The following SCN10A variants were observed in gnomAD, a reference collection of about 807,000 sequenced individuals.
SCN10A encodes sodium channel protein type 10 subunit alpha.
A neutral mutation model predicts 170.7 loss-of-function variants in SCN10A; 162 were observed. The ratio of observed to expected loss-of-function variants is 0.95; its 90% CI spans 0.84 to 1.08. SCN10A has a LOEUF of 1.08. Among genes scored for constraint, SCN10A ranks in the 50% least tolerant of loss-of-function variants. The pLI is 0.00. For missense variants in SCN10A, 2,527 were observed against 2,436.9 expected, an observed-to-expected ratio of 1.04 and a Z score of -0.78; for synonymous variants, 985 against 904.6, an observed-to-expected ratio of 1.09 and a Z score of -1.59.
chr3:38,764,493 T>C (rs2063910594), intron 5 of SCN10A, among the ~76,000 whole-genome samples: 2 of 152,124 alleles, frequency 1.3e-5, no homozygotes, highest in Admixed American at 6.5e-5. Flanking sequence ...CTGAGTTACT[T>C]CATTTAGAAT....
chr3:38,810,269 C>T (rs1159146073), intron 1 of SCN10A, among the ~76,000 whole-genome samples: 2 of 152,126 alleles, frequency 1.3e-5, no homozygotes, highest in Admixed American at 6.5e-5. Flanking sequence ...GGGTTTTGGG[C>T]AAGGTTCTAA....
Position 38,703,620 on chromosome 3 carries a change from T to G in SCN10A, c.4387-1511A>C, listed in dbSNP as rs73825865. Among the ~76,000 whole-genome samples the G allele has an allele frequency of 3.4e-3, 515 of 152,340 alleles. 1 individual carries two copies. The highest frequency in any genetic ancestry group is 0.012 in the African/African-American group (481 of 41,578). On this transcript the variant is annotated intron_variant, in intron 26 of 27. Coordinates refer to ENST00000449082, the MANE Select transcript of SCN10A (RefSeq NM_006514.4). ...ACCCTTCTACCTTGAAATGTTGCTT[T>G]CTTGGTCTCCACCATGCCTTACATT...
In SCN10A at chr3:38,728,710, A is replaced by C; in HGVS notation, c.2472T>G (p.His824Gln). ...GCATGTGCCAGCGGGGCCAGTCTTC[A>C]TGGGGCGCGGAGATATTTTTTCGGT... ...RNNRKNISAP[H>Q]EDWPRWHMHD... The change falls in exon 16 of 28, where the codon CAT (histidine) becomes CAG (glutamine). Residue 824 changes from histidine to glutamine, a missense_variant. Coordinates refer to ENST00000449082, the MANE Select transcript of SCN10A (RefSeq NM_006514.4). 1 of 1,614,146 alleles carries C rather than the reference A, an allele frequency of 6.2e-7. No homozygotes were observed. The highest frequency in any genetic ancestry group is 8.5e-7 in the Non-Finnish European group (1 of 1,180,014).
intron 26 of SCN10A, among the ~76,000 whole-genome samples, chr3:38,705,577 G>T (rs2063201966): frequency 6.6e-6 from 1 of 152,162 alleles, no homozygotes. Flanking sequence ...CCTCTCCAGG[G>T]TCCCTTTTTG....
chr3:38,737,798 C>CTCTTTTTCTTTCTTTCTT (rs1553618377), intron 15 of SCN10A, among the ~76,000 whole-genome samples: 3 of 93,608 alleles, frequency 3.2e-5, no homozygotes, highest in Non-Finnish European at 5.9e-5. Flanking sequence ...CCCTCCCTTC[C>CTCTTTTTCTTTCTTTCTT]TCTTTCTTTC....
chr3:38,750,280 T>C (rs2063734452), intron 12 of SCN10A, 96 bp from the exon 13 acceptor site: 1 of 639,736 alleles, frequency 1.6e-6, no homozygotes, highest in Non-Finnish European at 2.8e-6. Flanking sequence ...ATCTCATATA[T>C]AGTCATATGT....
intron 4 of SCN10A, among the ~76,000 whole-genome samples, chr3:38,775,653 A>G (rs139183312): frequency 1.3e-3 from 195 of 152,242 alleles, no homozygotes; most frequent in East Asian, 0.011. Flanking sequence ...TCTTTCCCAT[A>G]TATATAGTGA....
chr3:38,774,040 T>C (rs1220538281), intron 4 of SCN10A, among the ~76,000 whole-genome samples: 9 of 152,216 alleles, frequency 5.9e-5, no homozygotes, highest in African/African-American at 1.9e-4. Context: ...TAAAACTCTG[T>C]GACCTTTTAA....
intron 11 of SCN10A, 27 bp downstream of exon 11, chr3:38,755,761 T>C (rs751831496): frequency 6.2e-7 from 1 of 1,612,178 alleles, no homozygotes; most frequent in Admixed American, 1.7e-5. Flanking sequence ...GTGGGTAATC[T>C]TTAGAGCACA....
rs994269206 is a variant in SCN10A at position 38,697,988 on chromosome 3, G to A, written c.5232C>T (p.Phe1744=). 1.2e-6 allele frequency: 2 copies of A among 1,614,082 alleles called. No individual in the cohort carries two copies. Among genetic ancestry groups the A allele is most frequent in the Admixed American group, 1.7e-5 (1 of 60,006 alleles). The stretch of plus-strand genomic sequence containing the variant: ...GGTCAAACTTCTCCCAGGTCTCATA[G>A]AACATGTCAAAGTCGTCCTCACTCA... The part of the protein sequence containing the change: ...EPLSEDDFDM[F]YETWEKFDPE... The change falls in exon 28 of 28, where the codon TTC becomes TTT. Residue 1744 remains phenylalanine (F), a synonymous_variant. Transcript: ENST00000449082.
At chr3:38,733,109 G>T (rs191367686) in intron 15 of SCN10A, among the ~76,000 whole-genome samples, 11 of 152,180 alleles carry the variant, frequency 7.2e-5, no homozygotes, top group Non-Finnish European at 1.6e-4. Context: ...ACTTTGTGTG[G>T]CAATGAGAGG....
At chr3:38,735,036 G>T (rs1227148371) in intron 15 of SCN10A, among the ~76,000 whole-genome samples, 1 of 151,988 alleles carries the variant, frequency 6.6e-6, no homozygotes. Context: ...CAGGCATGGT[G>T]GTGGGTGCCT....
Position 38,752,481 on chromosome 3 carries a change from C to G in SCN10A, c.1493G>C (p.Arg498Pro), listed in dbSNP as rs372716583. ...SFLGLASGKR[R>P]ASHGSVFHFR... ...ATGGAACACACTGCCATGACTAGCC[C>G]GGCGTTTTCCAGAGGCGAGGCCTAG... Residue 498 changes from arginine (R) to proline (P), a missense_variant, in exon 12 of 28, where the codon CGG becomes CCG. Arg to Pro is a moderately radical substitution (Grantham distance 103). Transcript: ENST00000449082. 4 of 1,602,218 alleles carry G rather than the reference C, an allele frequency of 2.5e-6. No homozygotes were observed. The East Asian group carries it at 9.0e-5, about 36-fold the overall frequency.
At chr3:38,755,396 A>G (rs1048863198) in intron 11 of SCN10A, among the ~76,000 whole-genome samples, 1 of 152,024 alleles carries the variant, frequency 6.6e-6, no homozygotes, top group African/African-American at 2.4e-5. Context: ...ATGTCCGCAG[A>G]CACCTTAAGA....
chr3:38,734,828 C>T (rs1007422066), intron 15 of SCN10A, among the ~76,000 whole-genome samples: 4 of 152,090 alleles, frequency 2.6e-5, no homozygotes, highest in Non-Finnish European at 4.4e-5. Flanking sequence ...GATGTCCTAA[C>T]TAGCACAGTG....
chr3:38,761,373 G>A lies in SCN10A; in HGVS notation c.702C>T (p.Val234=). The change falls in exon 7 of 28, where the codon GTC becomes GTT. Residue 234 remains valine, a synonymous_variant. Transcript: ENST00000449082. Reference sequence around the variant, plus strand: ...CTGAGTGAATCAGGGCCCCCACAATGACCTTCAGGCCTGCGGGAAGATGAC... The same window carrying A: ...CTGAGTGAATCAGGGCCCCCACAATAACCTTCAGGCCTGCGGGAAGATGAC... The part of the protein sequence containing the change: ...KTVSVIPGLK[V]IVGALIHSVK... 6.2e-7 allele frequency: 1 copy of A among 1,613,356 alleles called. No individual in the cohort carries two copies. Among genetic ancestry groups the A allele is most frequent in the Non-Finnish European group, 8.5e-7 (1 of 1,179,554 alleles).
intron 15 of SCN10A, among the ~76,000 whole-genome samples, chr3:38,737,191 C>T (rs950425067): frequency 6.6e-6 from 1 of 151,160 alleles, no homozygotes; most frequent in Non-Finnish European, 1.5e-5. Context: ...AAGATGGTCT[C>T]GATCTCCTGA....
At chr3:38,756,000 T>A in intron 10 of SCN10A, 42 bp from the exon 11 acceptor site, 2 of 1,608,194 alleles carry the variant, frequency 1.2e-6, no homozygotes, top group Non-Finnish European at 1.7e-6. Context: ...AGTATTTGCT[T>A]GGACTTAGCA....
chr3:38,727,603 T>C (rs1575964251), intron 16 of SCN10A, among the ~76,000 whole-genome samples: 1 of 152,194 alleles, frequency 6.6e-6, no homozygotes, highest in Non-Finnish European at 1.5e-5. Context: ...GGCAGAGGCA[T>C]CCCTGGCTCA....
Sources: allele counts gnomAD v4.1 joint callset (sites outside exome capture counted in the v4.1 genomes callset), GRCh38; gene constraint gnomAD v4.1.1; transcripts MANE v1.5; gene names NCBI Gene and HGNC (gene_info 2026-07-23, HGNC 2026-07-21).